Variants in GTF2A1L observed in about 807,000 individuals in gnomAD.
The protein encoded by GTF2A1L is TFIIA-alpha and beta-like factor.
In GTF2A1L, 48 loss-of-function variants were observed where a neutral mutation model predicts 49.7. The observed-to-expected ratio is 0.97, with a 90% confidence interval of 0.77 to 1.23. The LOEUF is 1.23. GTF2A1L is among the 50% of genes most tolerant of loss of function. The probability of loss-of-function intolerance (pLI) is 0.00; values close to 1 mark genes in which losing one functional copy is unlikely to be tolerated. For missense variants in GTF2A1L, 736 were observed against 564.8 expected (o/e 1.30, Z -3.07); for synonymous variants, 246 against 193.5 (o/e 1.27, Z -2.25).
chr2:48,645,863 G>T (rs1025301139), intron 5 of GTF2A1L, among the ~76,000 whole-genome samples: 1 of 151,782 alleles, frequency 6.6e-6, no homozygotes, highest in African/African-American at 2.4e-5. Flanking sequence ...TTAGCCAGGA[G>T]GGTCTTGATC....
chr2:48,651,116 T>C (rs1471986832), intron 6 of GTF2A1L, among the ~76,000 whole-genome samples: 3 of 152,154 alleles, frequency 2.0e-5, no homozygotes, highest in Admixed American at 2.0e-4. Flanking sequence ...TACTTGCTTA[T>C]TGTACTACCC....
At chr2:48,663,894 T>C (rs1678660621) in intron 6 of GTF2A1L, among the ~76,000 whole-genome samples, 1 of 152,198 alleles carries the variant, frequency 6.6e-6, no homozygotes, top group Admixed American at 6.5e-5. Flanking sequence ...ATTACAGGCA[T>C]AAGCCACCAC....
chr2:48,625,972 T>G (rs1319733811), intron 3 of GTF2A1L, among the ~76,000 whole-genome samples: 2 of 144,262 alleles, frequency 1.4e-5, no homozygotes, highest in African/African-American at 4.9e-5. Flanking sequence ...TTCCTCTGTG[T>G]TTTTGTCTTG....
At chr2:48,646,338 T>G in intron 5 of GTF2A1L, 115 bp from the exon 6 acceptor site, 6 of 906,314 alleles carry the variant, frequency 6.6e-6, no homozygotes, top group African/African-American at 1.7e-5. Flanking sequence ...ACCATTAACA[T>G]ATTGGTGTAT....
At chr2:48,672,612 G>T (rs1455380204) in intron 8 of GTF2A1L, among the ~76,000 whole-genome samples, 1 of 152,082 alleles carries the variant, frequency 6.6e-6, no homozygotes, top group Non-Finnish European at 1.5e-5. Flanking sequence ...TTAGTTGAAG[G>T]TGTCTCTCAG....
intron 6 of GTF2A1L, among the ~76,000 whole-genome samples, chr2:48,654,650 C>T (rs772703144): frequency 6.6e-6 from 1 of 152,188 alleles, no homozygotes; most frequent in Non-Finnish European, 1.5e-5. Flanking sequence ...TCTCAAAGTG[C>T]TGGGGAAACA....
chr2:48,658,221 G>A (rs1455550982), intron 6 of GTF2A1L, among the ~76,000 whole-genome samples: 2 of 151,984 alleles, frequency 1.3e-5, no homozygotes, highest in Non-Finnish European at 2.9e-5. Context: ...TTCTAGGATT[G>A]TTTATAGTTT....
At chr2:48,638,038 T>C (rs1458749802) in intron 3 of GTF2A1L, among the ~76,000 whole-genome samples, 2 of 152,124 alleles carry the variant, frequency 1.3e-5, no homozygotes, top group Non-Finnish European at 2.9e-5. Context: ...AGGAAGAAAT[T>C]GATTCCCTGA....
chr2:48,652,918 A>C (rs1449344544), intron 6 of GTF2A1L, among the ~76,000 whole-genome samples: 1 of 151,512 alleles, frequency 6.6e-6, no homozygotes, highest in Non-Finnish European at 1.5e-5. Context: ...CTGGACTCGA[A>C]CTAATTGACT....
chr2:48,666,168 T>C (rs12995714), intron 6 of GTF2A1L, among the ~76,000 whole-genome samples: 33,419 of 151,890 alleles, frequency 0.22, 3,797 homozygotes, highest in South Asian at 0.25. Flanking sequence ...TACTTTTAAC[T>C]TACCTGTGTC....
At chr2:48,672,668 C>T (rs11682325) in intron 8 of GTF2A1L, among the ~76,000 whole-genome samples, 13,821 of 152,042 alleles carry the variant, frequency 0.091, 954 homozygotes, top group East Asian at 0.24. Flanking sequence ...ACTCTAGCAA[C>T]TAAAAATAAT....
At chr2:48,668,203 A>G (rs1429702368) in intron 6 of GTF2A1L, among the ~76,000 whole-genome samples, 1 of 152,080 alleles carries the variant, frequency 6.6e-6, no homozygotes, top group African/African-American at 2.4e-5. Context: ...TCTGATTGTA[A>G]AGGATGGAAA....
At chr2:48,649,673 C>G (rs938517903) in intron 6 of GTF2A1L, among the ~76,000 whole-genome samples, 1 of 152,330 alleles carries the variant, frequency 6.6e-6, no homozygotes. Flanking sequence ...TTAGCACTCT[C>G]TTCCTGGTGG....
chr2:48,679,281 G>A lies in GTF2A1L; in HGVS notation c.1330-54G>A, dbSNP rs1313066066. ...CCATTTACTGTAGCAGAGAAATGCA[G>A]GTGATCCTTTAACTTGTAAAATTAA... is the stretch of plus-strand genomic sequence containing the variant. On this transcript the variant is annotated intron_variant, in intron 8 of 8. Coordinates refer to ENST00000403751, the MANE Select transcript of GTF2A1L (RefSeq NM_006872.5). 5 of 1,582,834 alleles carry A rather than the reference G, an allele frequency of 3.2e-6. No individual in the cohort carries two copies. The East Asian group carries it at 9.0e-5, about 29-fold the overall frequency.
chr2:48,672,355 G>A (rs1679219074), intron 8 of GTF2A1L, among the ~76,000 whole-genome samples: 1 of 152,154 alleles, frequency 6.6e-6, no homozygotes, highest in African/African-American at 2.4e-5. Context: ...AGAATAGGAA[G>A]CAGATTAGAA....
chr2:48,632,695 A>G (rs543796121), intron 3 of GTF2A1L: 2 of 158,860 alleles, frequency 1.3e-5, no homozygotes, highest in Admixed American at 1.3e-4. Context: ...GTTTTTCTTA[A>G]AAACAATGCT....
chr2:48,641,333 T>G (rs1677185548), intron 3 of GTF2A1L, among the ~76,000 whole-genome samples: 1 of 152,220 alleles, frequency 6.6e-6, no homozygotes, highest in Non-Finnish European at 1.5e-5. Context: ...TCATTAACCA[T>G]CAATCTGTAG....
chr2:48,662,701 T>C (rs1397594468), intron 6 of GTF2A1L, among the ~76,000 whole-genome samples: 1 of 151,696 alleles, frequency 6.6e-6, no homozygotes, highest in Non-Finnish European at 1.5e-5. Flanking sequence ...TCCCACTGCC[T>C]TGTGGTCTTC....
intron 6 of GTF2A1L, among the ~76,000 whole-genome samples, chr2:48,666,907 T>C (rs1033734058): frequency 2.4e-4 from 36 of 152,108 alleles, no homozygotes; most frequent in African/African-American, 8.5e-4. Context: ...TCTAACTGTC[T>C]CTGAGTCTGG....
Sources: gnomAD v4.1 joint callset for allele counts (sites outside exome capture counted in the v4.1 genomes callset) on GRCh38, gnomAD v4.1.1 for gene constraint, MANE v1.5 for transcripts, NCBI Gene and HGNC (gene_info 2026-07-23, HGNC 2026-07-21) for gene names.